LRPPRC: variants seen among roughly 807,000 people sequenced by gnomAD.
LRPPRC encodes the protein leucine-rich PPR motif-containing protein, mitochondrial.
LRPPRC carries 120 observed loss-of-function variants against 180.3 expected under a neutral mutation model. The observed-to-expected ratio is 0.67, with a 90% CI of 0.57 to 0.77. LRPPRC has a LOEUF of 0.77. Among genes scored for constraint, LRPPRC ranks in the 30% least tolerant of loss-of-function variants. The probability of loss-of-function intolerance (pLI) is 0.00; values close to 1 mark genes in which losing one functional copy is unlikely to be tolerated. For synonymous variants in LRPPRC, 723 were observed against 600.0 expected, an observed-to-expected ratio of 1.21 and a Z score of -3.00; for missense variants, 2,012 against 1,657.2, an observed-to-expected ratio of 1.21 and a Z score of -3.72.
In LRPPRC at chr2:43,979,822, A is replaced by C; in HGVS notation, c.469+4T>G. ...ATACACATCATATATTTAAACAATCATACCTAATTTCTGAAGTGTGTCCCA... is the reference window on the plus strand; with the variant it reads ...ATACACATCATATATTTAAACAATCCTACCTAATTTCTGAAGTGTGTCCCA... On this transcript the variant is annotated splice_donor_region_variant and intron_variant, in intron 3 of 37. Transcript: ENST00000260665. 6.2e-7 allele frequency: 1 copy of C among 1,612,780 alleles called. No individual in the cohort carries two copies.
In LRPPRC at chr2:43,916,959, A is replaced by C. The variant is rs1671493501; in HGVS notation, c.3148+1066T>G. 1.3e-5 allele frequency among the ~76,000 whole-genome samples: 2 copies of C among 150,406 alleles called. 1 individual carries two copies. Among genetic ancestry groups the C allele is most frequent in the African/African-American group, 4.9e-5 (2 of 40,892 alleles). ...GACCTGTCTCCGGGGGGAAAAAAAA[A>C]AAAAAAAAAAGAATAGTATAATGAA... On this transcript the variant is annotated intron_variant, in intron 29 of 37. Transcript: ENST00000260665.
At chr2:43,901,261 T>A in intron 32 of LRPPRC, 59 bp downstream of exon 32, 3 of 1,388,976 alleles carry the variant, frequency 2.2e-6, no homozygotes, top group Non-Finnish European at 3.1e-6. Flanking sequence ...AAAGGTGGTA[T>A]CTGAGGCAAT....
chr2:43,947,575 G>A (rs912663949), intron 19 of LRPPRC, among the ~76,000 whole-genome samples, 156 bp downstream of exon 19: 1 of 151,922 alleles, frequency 6.6e-6, no homozygotes, highest in Non-Finnish European at 1.5e-5. Flanking sequence ...TAGATATGTT[G>A]ATTTTTCTGA....
At chr2:43,912,293 C>T (rs1671290017) in intron 30 of LRPPRC, 139 bp downstream of exon 30, 1 of 725,380 alleles carries the variant, frequency 1.4e-6, no homozygotes, top group Admixed American at 2.5e-5. Flanking sequence ...AGTTAGTTAA[C>T]CATTTCATAT....
Position 43,888,630 on chromosome 2 carries a change from C to T in LRPPRC, c.4155G>A (p.Gln1385=), listed in dbSNP as rs778435205. The T allele has an allele frequency of 3.7e-6, 6 of 1,602,874 alleles. No homozygotes were observed. In the South Asian group the frequency reaches 5.5e-5, roughly 15 times the overall value. Residue 1385 remains glutamine (Q), a synonymous_variant, in exon 38 of 38, where the codon CAG becomes CAA. Coordinates refer to ENST00000260665, the MANE Select transcript of LRPPRC (RefSeq NM_133259.4). ...PPESFEFYAQ[Q]LRKLRENSS ...AAGAGTTTTCCCTCAATTTTCTTAGCTGCTGTGCATAAAATTCAAAGCTTT... is the reference window on the plus strand; with the variant it reads ...AAGAGTTTTCCCTCAATTTTCTTAGTTGCTGTGCATAAAATTCAAAGCTTT...
chr2:43,920,106 A>ATC (rs1671645651), intron 27 of LRPPRC, among the ~76,000 whole-genome samples: 1 of 147,626 alleles, frequency 6.8e-6, no homozygotes, highest in East Asian at 2.0e-4. Context: ...AAAAAAACTT[A>ATC]GAGAAATTCC....
intron 1 of LRPPRC, among the ~76,000 whole-genome samples, chr2:43,995,502 C>T (rs1383869401): frequency 1.3e-5 from 2 of 152,234 alleles, no homozygotes; most frequent in African/African-American, 4.8e-5. Context: ...GTCTTCAAAG[C>T]CCCCCTCATC....
rs769208540 is a variant in LRPPRC, at chr2:43,949,613, C to T, written c.1724G>A (p.Arg575Gln). The change falls in exon 16 of 38, where the codon CGA becomes CAA. Residue 575 changes from arginine (R) to glutamine (Q), a missense_variant. Transcript: ENST00000260665. ...AATTGAAACGCTACCCGTCGGTCCT[C>T]GAGGCTCCTGGCAATAACGTCCATC... is the stretch of plus-strand genomic sequence containing the variant. ...YKDGRYCQEPRGPTEAVGYFL... is the reference protein window; with the variant it reads ...YKDGRYCQEPQGPTEAVGYFL... 9.9e-6 allele frequency: 16 copies of T among 1,613,800 alleles called. No individual in the cohort carries two copies. Among genetic ancestry groups the T allele is most frequent in the Admixed American group, 1.7e-5 (1 of 59,994 alleles).
At chr2:43,974,489 C>T in intron 8 of LRPPRC, 125 bp downstream of exon 8, 4 of 841,634 alleles carry the variant, frequency 4.8e-6, no homozygotes, top group Non-Finnish European at 1.9e-6. Flanking sequence ...GCTTATTTAA[C>T]TGACTTTAAG....
At chr2:43,905,863 T>C (rs1671051520) in intron 30 of LRPPRC, 83 bp from the exon 31 acceptor site, 1 of 904,530 alleles carries the variant, frequency 1.1e-6, no homozygotes, top group Non-Finnish European at 1.9e-6. Flanking sequence ...GGTGAAATTA[T>C]AAAAACTACT....
chr2:43,907,060 CATGT>C lies in LRPPRC; in HGVS notation c.3276-1284_3276-1281del, dbSNP rs540793261. Among the ~76,000 whole-genome samples, 123 of 152,282 alleles carry C rather than the reference CATGT, an allele frequency of 8.1e-4. 2 individuals are homozygous for C. The highest frequency in any genetic ancestry group is 2.7e-3 in the African/African-American group (112 of 41,550). On this transcript the variant is annotated intron_variant, in intron 30 of 37. Transcript: ENST00000260665. ...TAAAAGCTCACTTCTAATATTATTA[CATGT>C]ATTATACCATATTAATTTAAAAATA...
At chr2:43,941,098 T>C (rs988180083) in intron 23 of LRPPRC, among the ~76,000 whole-genome samples, 1 of 152,202 alleles carries the variant, frequency 6.6e-6, no homozygotes, top group Admixed American at 6.6e-5. Flanking sequence ...TCTGTTATTG[T>C]TTTGGATTTC....
intron 36 of LRPPRC, chr2:43,892,800 ATAAAAT>A (rs773695617): frequency 6.6e-6 from 1 of 152,066 alleles, no homozygotes; most frequent in Non-Finnish European, 1.5e-5. Flanking sequence ...TGTTTTAAAC[ATAAAAT>A]TAAAAAAAAA....
chr2:43,913,004 GTGGGTGGTTACAA>G (rs1459250443), intron 29 of LRPPRC, among the ~76,000 whole-genome samples: 1 of 152,140 alleles, frequency 6.6e-6, no homozygotes, highest in Non-Finnish European at 1.5e-5. Context: ...TAATCTATAA[GTGGGTGGTTACAA>G]TGGTTAACAT....
Position 43,886,608 on chromosome 2 carries a change from C to G in LRPPRC, c.*1992G>C, listed in dbSNP as rs970212591. 1 of 152,202 alleles carries G rather than the reference C, an allele frequency of 6.6e-6. No homozygotes were observed. The highest frequency in any genetic ancestry group is 1.9e-4 in the East Asian group (1 of 5,194). The allele number at this position is 152,202 out of a possible 1,614,324, so 9.4% of individuals were successfully genotyped here. A position where few individuals can be genotyped will look rare whatever the true frequency, so the allele number is the denominator to read the frequency against. The stretch of plus-strand genomic sequence containing the variant: ...GGGGGTCTTACCTATTTCCTCTGTA[C>G]CACACTCACATTTTACCAGAGTCCA... On this transcript the variant is annotated 3_prime_UTR_variant, in exon 38 of 38. Coordinates refer to ENST00000260665, the MANE Select transcript of LRPPRC (RefSeq NM_133259.4).
At chr2:43,923,247 G>A (rs951554456) in intron 27 of LRPPRC, among the ~76,000 whole-genome samples, 1 of 151,176 alleles carries the variant, frequency 6.6e-6, no homozygotes, top group Non-Finnish European at 1.5e-5. Context: ...GGAAGGCTGC[G>A]GCAGGAAGAC....
intron 27 of LRPPRC, among the ~76,000 whole-genome samples, chr2:43,922,445 T>C (rs1232750880): frequency 6.6e-6 from 1 of 152,144 alleles, no homozygotes; most frequent in Non-Finnish European, 1.5e-5. Flanking sequence ...ACTAATCCAA[T>C]CTCTTTCAAG....
intron 14 of LRPPRC, among the ~76,000 whole-genome samples, chr2:43,956,298 G>A (rs1335509247): frequency 6.6e-6 from 1 of 152,162 alleles, no homozygotes; most frequent in Non-Finnish European, 1.5e-5. Context: ...ACTTGTTAAA[G>A]TGGGAAAATC....
chr2:43,920,079 TAAA>T (rs1023425078), intron 27 of LRPPRC, among the ~76,000 whole-genome samples: 31 of 79,458 alleles, frequency 3.9e-4, no homozygotes, highest in African/African-American at 1.3e-3. Flanking sequence ...ATCAGCAATT[TAAA>T]AAAAAAAAAA....
Sources: allele counts gnomAD v4.1 joint callset (sites outside exome capture counted in the v4.1 genomes callset), GRCh38; gene constraint gnomAD v4.1.1; transcripts MANE v1.5; gene names NCBI Gene and HGNC (gene_info 2026-07-23, HGNC 2026-07-21).